The following BLTP1 variants were observed in gnomAD, a reference collection of about 807,000 sequenced individuals.
BLTP1 encodes bridge-like lipid transfer protein family member 1.
chr4:122,334,499 C>A, the BLTP1 span: 1 of 1,612,572 alleles, frequency 6.2e-7, no homozygotes, highest in Non-Finnish European at 8.5e-7. Context: ...CTGTCCAGAG[C>A]AAGACTAACA....
At chr4:122,348,301 C>T in the BLTP1 span, among the ~76,000 whole-genome samples, 1 of 152,036 alleles carries the variant, frequency 6.6e-6, no homozygotes, top group African/African-American at 2.4e-5. Context: ...GCTGCTATAT[C>T]CCATGCACAC....
At chr4:122,343,183 T>C in the BLTP1 span, among the ~76,000 whole-genome samples, 9 of 152,318 alleles carry the variant, frequency 5.9e-5, no homozygotes, top group South Asian at 1.0e-3. Context: ...AAATAATTGT[T>C]TTAAGGATGA....
At chr4:122,193,830 T>A in the BLTP1 span, 1 of 165,214 alleles carries the variant, frequency 6.1e-6, no homozygotes, top group Non-Finnish European at 1.3e-5. Flanking sequence ...GCCATCTAGC[T>A]AGCATTATTA....
chr4:122,199,335 T>C, the BLTP1 span: 1 of 1,607,820 alleles, frequency 6.2e-7, no homozygotes, highest in Non-Finnish European at 8.5e-7. Flanking sequence ...TCCTGGTTCT[T>C]AGTTTTTATG....
the BLTP1 span, chr4:122,362,532 C>T: frequency 5.4e-6 from 1 of 186,016 alleles, no homozygotes; most frequent in Non-Finnish European, 1.1e-5. Flanking sequence ...AAAATGTCTG[C>T]AGAATAACTG....
chr4:122,184,377 TC>T, the BLTP1 span, among the ~76,000 whole-genome samples: 3 of 152,048 alleles, frequency 2.0e-5, no homozygotes, highest in African/African-American at 7.2e-5. Flanking sequence ...GGTGGCTCAC[TC>T]CTGTAATCCC....
the BLTP1 span, chr4:122,187,342 CTGTGAGGTATGGTAT>C: frequency 2.0e-6 from 3 of 1,537,404 alleles, no homozygotes; most frequent in Non-Finnish European, 2.6e-6. Context: ...TAAACTGAAA[CTGTGAGGTATGGTAT>C]TGTGAGGAAG....
chr4:122,309,396 C>T, the BLTP1 span: 1 of 1,613,380 alleles, frequency 6.2e-7, no homozygotes, highest in Non-Finnish European at 8.5e-7. Flanking sequence ...ATCCGTTTTG[C>T]TGATGGATTT....
the BLTP1 span, among the ~76,000 whole-genome samples, chr4:122,284,561 G>A: frequency 6.7e-6 from 1 of 150,002 alleles, no homozygotes; most frequent in Non-Finnish European, 1.5e-5. Context: ...AATATATGCA[G>A]ACATGTACAT....
At chr4:122,247,463 T>G in the BLTP1 span, 1 of 1,321,546 alleles carries the variant, frequency 7.6e-7, no homozygotes. Context: ...CAATTCGGTA[T>G]TCTATAAGAA....
the BLTP1 span, chr4:122,250,575 T>C: frequency 6.8e-6 from 11 of 1,612,458 alleles, no homozygotes; most frequent in African/African-American, 1.3e-5. Context: ...GATGAACAGG[T>C]TAGTGACTTT....
At chr4:122,170,025 C>T in the BLTP1 span, 3 of 982,514 alleles carry the variant, frequency 3.1e-6, no homozygotes, top group African/African-American at 1.8e-5. Flanking sequence ...AGAATAATCA[C>T]GCTGGGCGCG....
chr4:122,231,117 T>C, the BLTP1 span, among the ~76,000 whole-genome samples: 2 of 152,206 alleles, frequency 1.3e-5, no homozygotes, highest in South Asian at 4.1e-4. Flanking sequence ...TAGAGGAACA[T>C]TTTTGCACAT....
the BLTP1 span, chr4:122,161,088 G>A: frequency 1.0e-6 from 1 of 959,634 alleles, no homozygotes. Context: ...GTGATGAAGA[G>A]AGTGTATGTT....
the BLTP1 span, among the ~76,000 whole-genome samples, chr4:122,310,504 T>C: frequency 1.3e-5 from 2 of 151,754 alleles, no homozygotes; most frequent in South Asian, 4.2e-4. Flanking sequence ...TGATGAAGAG[T>C]AGAGAGTTGT....
At chr4:122,180,515 C>G in the BLTP1 span, among the ~76,000 whole-genome samples, 1 of 152,138 alleles carries the variant, frequency 6.6e-6, no homozygotes, top group Non-Finnish European at 1.5e-5. Context: ...CACAACAACT[C>G]TAGTGATTGG....
the BLTP1 span, among the ~76,000 whole-genome samples, chr4:122,313,144 A>T: frequency 3.3e-5 from 5 of 152,152 alleles, no homozygotes; most frequent in African/African-American, 1.2e-4. Context: ...TTTTTTTCTC[A>T]TAAAATGTTC....
At chr4:122,247,941 T>C in the BLTP1 span, 4 of 984,456 alleles carry the variant, frequency 4.1e-6, no homozygotes, top group Non-Finnish European at 4.8e-6. Flanking sequence ...CAGAAAAAGT[T>C]AGATTTGCTA....
chr4:122,235,518 A>G, the BLTP1 span: 1 of 978,920 alleles, frequency 1.0e-6, no homozygotes, highest in Non-Finnish European at 1.2e-6. Context: ...TCTTTAGCAT[A>G]ACTCTGGCCG....
Sources: allele counts gnomAD v4.1 joint callset (sites outside exome capture counted in the v4.1 genomes callset), GRCh38; gene constraint gnomAD v4.1.1; transcripts MANE v1.5; gene names NCBI Gene and HGNC (gene_info 2026-07-23, HGNC 2026-07-21).